LINGO2: variants seen among roughly 807,000 people sequenced by gnomAD.
LINGO2 encodes leucine rich repeat and Ig domain containing 2.
Under a neutral mutation model 30.6 loss-of-function variants are expected in LINGO2, and 14 were observed. That is an observed-to-expected ratio of 0.46 (90% CI 0.30 to 0.72). The LOEUF (loss-of-function observed/expected upper bound fraction) is 0.72. Among genes scored for constraint, LINGO2 ranks in the 30% least tolerant of loss-of-function variants. LINGO2 has a pLI of 0.07. For synonymous variants in LINGO2, 317 were observed against 288.5 expected (o/e 1.10, Z -1.00); for missense variants, 729 against 751.7 (o/e 0.97, Z 0.35).
intron 3 of LINGO2, among the ~76,000 whole-genome samples, chr9:28,318,101 G>T (rs1824908503): frequency 6.6e-6 from 1 of 152,206 alleles, no homozygotes; most frequent in Non-Finnish European, 1.5e-5. Flanking sequence ...TTCTTTCAAG[G>T]TTCACTGAGT....
chr9:28,139,185 C>G (rs1309106072), intron 4 of LINGO2, among the ~76,000 whole-genome samples: 1 of 152,192 alleles, frequency 6.6e-6, no homozygotes, highest in Non-Finnish European at 1.5e-5. Context: ...TTAGCAGTAA[C>G]TCTACCAGCA....
chr9:28,401,292 C>T (rs1195149475), intron 2 of LINGO2, among the ~76,000 whole-genome samples: 2 of 152,036 alleles, frequency 1.3e-5, no homozygotes, highest in African/African-American at 4.8e-5. Context: ...CCCCTTACCC[C>T]CAACCCCCAA....
At chr9:28,957,222 T>C in the LINGO2 span, among the ~76,000 whole-genome samples, 1 of 152,178 alleles carries the variant, frequency 6.6e-6, no homozygotes, top group Non-Finnish European at 1.5e-5. Flanking sequence ...ATGATTATCT[T>C]ACCACCACTT....
At chr9:28,117,870 A>T (rs1826976010) in intron 4 of LINGO2, among the ~76,000 whole-genome samples, 1 of 152,218 alleles carries the variant, frequency 6.6e-6, no homozygotes, top group Non-Finnish European at 1.5e-5. Flanking sequence ...TCACCCCCAG[A>T]ATAAATGTTT....
intron 2 of LINGO2, among the ~76,000 whole-genome samples, chr9:28,474,515 C>G (rs1037144906): frequency 7.9e-5 from 12 of 152,086 alleles, no homozygotes; most frequent in Admixed American, 3.9e-4. Flanking sequence ...TACAGGCTTC[C>G]AAATGTTTCC....
chr9:29,075,093 T>C, the LINGO2 span, among the ~76,000 whole-genome samples: 1 of 152,224 alleles, frequency 6.6e-6, no homozygotes, highest in Middle Eastern at 3.2e-3. Flanking sequence ...GAAAAATGCA[T>C]TCTTAATTTA....
intron 5 of LINGO2, among the ~76,000 whole-genome samples, chr9:27,960,512 C>T (rs902173837): frequency 2.0e-5 from 3 of 152,048 alleles, no homozygotes; most frequent in African/African-American, 7.2e-5. Flanking sequence ...CTGCTGTTTT[C>T]CTTAAGCTGT....
At chr9:28,056,140 T>A (rs557583411) in intron 4 of LINGO2, among the ~76,000 whole-genome samples, 3 of 152,178 alleles carry the variant, frequency 2.0e-5, no homozygotes, top group Non-Finnish European at 4.4e-5. Context: ...CTATTTATTG[T>A]GTAGCAAGAG....
the LINGO2 span, among the ~76,000 whole-genome samples, chr9:28,753,726 GT>G: frequency 0.07 from 10,612 of 151,998 alleles, 438 homozygotes; most frequent in African/African-American, 0.085. Flanking sequence ...AGAAATGCTT[GT>G]TGTTATATAA....
the LINGO2 span, among the ~76,000 whole-genome samples, chr9:28,775,371 G>A: frequency 3.3e-5 from 5 of 152,142 alleles, no homozygotes; most frequent in Middle Eastern, 3.2e-3. Context: ...TCTGAGCCAG[G>A]TTTCTGAGCC....
intron 4 of LINGO2, among the ~76,000 whole-genome samples, chr9:28,134,260 A>G (rs1161085046): frequency 6.6e-6 from 1 of 152,208 alleles, no homozygotes. Context: ...CATTAAAAAT[A>G]TAGAGAAAGA....
intron 4 of LINGO2, among the ~76,000 whole-genome samples, chr9:28,201,943 G>C (rs1017514680): frequency 2.6e-5 from 4 of 152,040 alleles, no homozygotes; most frequent in Admixed American, 6.6e-5. Flanking sequence ...TCAAAATCAA[G>C]GTGTTAGCAA....
intron 1 of LINGO2, among the ~76,000 whole-genome samples, chr9:28,658,337 T>C (rs866735713): frequency 6.6e-6 from 1 of 151,984 alleles, no homozygotes; most frequent in East Asian, 1.9e-4. Context: ...AAGTGGAAAA[T>C]TCAAGTCTCC....
At chr9:28,414,830 C>T (rs1822905893) in intron 2 of LINGO2, among the ~76,000 whole-genome samples, 1 of 151,946 alleles carries the variant, frequency 6.6e-6, no homozygotes, top group African/African-American at 2.4e-5. Context: ...AATAATATAT[C>T]CTCAGGAGAT....
the LINGO2 span, among the ~76,000 whole-genome samples, chr9:28,835,212 AG>A: frequency 6.6e-6 from 1 of 152,188 alleles, no homozygotes; most frequent in Admixed American, 6.5e-5. Flanking sequence ...AGGAAACAAA[AG>A]ATTCTTGATA....
chr9:29,087,257 G>C, the LINGO2 span, among the ~76,000 whole-genome samples: 2 of 152,108 alleles, frequency 1.3e-5, no homozygotes, highest in Non-Finnish European at 2.9e-5. Flanking sequence ...AGTTCTACAA[G>C]ACTCAGTTAC....
intron 3 of LINGO2, among the ~76,000 whole-genome samples, chr9:28,336,095 T>C (rs553309127): frequency 9.2e-5 from 14 of 152,104 alleles, no homozygotes; most frequent in Admixed American, 1.3e-4. Flanking sequence ...TTTGCCAACA[T>C]TTGGTATTAT....
intron 4 of LINGO2, among the ~76,000 whole-genome samples, chr9:28,014,643 A>G (rs1341086329): frequency 6.6e-6 from 1 of 152,218 alleles, no homozygotes; most frequent in African/African-American, 2.4e-5. Flanking sequence ...TGTGCTATAA[A>G]CATTCATCTA....
chr9:28,103,613 TAA>T (rs1826480831), intron 4 of LINGO2, among the ~76,000 whole-genome samples: 1 of 152,156 alleles, frequency 6.6e-6, no homozygotes, highest in African/African-American at 2.4e-5. Flanking sequence ...CTCAGCCACA[TAA>T]GTGAGTCCAA....
Sources: gnomAD v4.1 joint callset for allele counts (sites outside exome capture counted in the v4.1 genomes callset) on GRCh38, gnomAD v4.1.1 for gene constraint, MANE v1.5 for transcripts, NCBI Gene and HGNC (gene_info 2026-07-23, HGNC 2026-07-21) for gene names.